Variants in TPST1 observed in about 807,000 individuals in gnomAD.
TPST1 encodes tyrosylprotein sulfotransferase 1, also known as protein-tyrosine sulfotransferase 1.
A neutral mutation model predicts 34.8 loss-of-function variants in TPST1; 20 were observed. The observed-to-expected ratio is 0.57, with a 90% CI of 0.40 to 0.84. The LOEUF (loss-of-function observed/expected upper bound fraction) is 0.84. Ranked by LOEUF, TPST1 falls within the 40% of genes least tolerant of loss-of-function variation. The probability of loss-of-function intolerance (pLI) is 0.00; values close to 1 mark genes in which losing one functional copy is unlikely to be tolerated. For synonymous variants in TPST1, 152 were observed against 159.4 expected (o/e 0.95, Z 0.35); for missense variants, 353 against 455.5 (o/e 0.78, Z 2.05).
rs201945487 is a variant in TPST1, at chr7:66,256,580, G to T, written c.845+15310G>T. The stretch of plus-strand genomic sequence containing the variant: ...ATATGGCTACTTAACATGGCAGCAG[G>T]CAAACAAGAAGAGCCAGAGAAAGTA... On this transcript the variant is annotated intron_variant, in intron 2 of 5. Transcript: ENST00000304842. Among the ~76,000 whole-genome samples, 65 of 152,304 alleles carry T rather than the reference G, an allele frequency of 4.3e-4. No homozygotes were observed. The East Asian group carries it at 9.2e-3, about 22-fold the overall frequency.
chr7:66,266,279 A>G (rs1378082207), intron 2 of TPST1, among the ~76,000 whole-genome samples: 1 of 142,442 alleles, frequency 7.0e-6, no homozygotes, highest in Non-Finnish European at 1.5e-5. Flanking sequence ...TAATTCTACT[A>G]AAAAAAAAAA....
At chr7:66,251,129 A>G (rs958128808) in intron 2 of TPST1, among the ~76,000 whole-genome samples, 1 of 152,238 alleles carries the variant, frequency 6.6e-6, no homozygotes, top group African/African-American at 2.4e-5. Flanking sequence ...ATTAAGGATG[A>G]TAATAATAAC....
At chr7:66,341,514 C>CA (rs1331214100) in intron 3 of TPST1, among the ~76,000 whole-genome samples, 4 of 152,130 alleles carry the variant, frequency 2.6e-5, no homozygotes, top group African/African-American at 7.2e-5. Flanking sequence ...CTCCTGACCT[C>CA]ATGATCCACC....
chr7:66,235,263 G>A (rs980661397), intron 1 of TPST1, among the ~76,000 whole-genome samples: 1 of 148,708 alleles, frequency 6.7e-6, no homozygotes, highest in African/African-American at 2.5e-5. Context: ...TCGGCTCGCT[G>A]CAAGCTCCGC....
chr7:66,322,901 C>T (rs1047974050), intron 3 of TPST1, among the ~76,000 whole-genome samples: 5 of 151,626 alleles, frequency 3.3e-5, no homozygotes, highest in African/African-American at 1.2e-4. Context: ...CACAGCTCAC[C>T]AACACTTGTT....
chr7:66,218,598 C>T lies in TPST1; in HGVS notation c.-102+13076C>T, dbSNP rs529465517. Among the ~76,000 whole-genome samples the T allele has an allele frequency of 1.3e-3, 201 of 152,278 alleles. 2 individuals carry two copies. The highest frequency in any genetic ancestry group is 4.7e-3 in the African/African-American group (195 of 41,580). On this transcript the variant is annotated intron_variant, in intron 1 of 5. Coordinates refer to ENST00000304842, the MANE Select transcript of TPST1 (RefSeq NM_003596.4). ...CGGTGGCTCACGCCTGTAATCCCAGCACTTTGGGAGGCTGAGGCGGGGAGA... is the reference window on the plus strand; with the variant it reads ...CGGTGGCTCACGCCTGTAATCCCAGTACTTTGGGAGGCTGAGGCGGGGAGA...
chr7:66,220,884 A>G (rs369206517), intron 1 of TPST1, among the ~76,000 whole-genome samples: 1 of 152,162 alleles, frequency 6.6e-6, no homozygotes, highest in African/African-American at 2.4e-5. Flanking sequence ...TGTAATCCCA[A>G]TGTTTTGGGA....
chr7:66,331,969 C>T (rs1329407687), intron 3 of TPST1, among the ~76,000 whole-genome samples: 2 of 152,080 alleles, frequency 1.3e-5, no homozygotes, highest in Middle Eastern at 3.2e-3. Context: ...CCGATCACCC[C>T]CAGATGAGAC....
chr7:66,304,625 T>C (rs1313865351), intron 3 of TPST1, among the ~76,000 whole-genome samples: 1 of 152,228 alleles, frequency 6.6e-6, no homozygotes, highest in Admixed American at 6.5e-5. Flanking sequence ...TAAAGCTAAA[T>C]GCTCTGCTTA....
chr7:66,347,474 A>T (rs1346028385), intron 3 of TPST1, among the ~76,000 whole-genome samples: 1 of 152,158 alleles, frequency 6.6e-6, no homozygotes, highest in East Asian at 1.9e-4. Flanking sequence ...TTTGTTGGTA[A>T]TGAGTTCTCT....
At position 66,355,462 on chromosome 7, in the gene TPST1, G is replaced by A. The variant is rs537968700; in HGVS notation, c.1096-1363G>A. 2.6e-3 allele frequency among the ~76,000 whole-genome samples: 390 copies of A among 149,986 alleles called. 1 individual carries two copies. Among genetic ancestry groups the A allele is most frequent in the Non-Finnish European group, 4.0e-3 (270 of 67,594 alleles). On this transcript the variant is annotated intron_variant, in intron 4 of 5. Coordinates refer to ENST00000304842, the MANE Select transcript of TPST1 (RefSeq NM_003596.4). Reference sequence around the variant, plus strand: ...TGCACTCCAGCCTGGGAAAGATTGCGAGACTCCCTCTCAAAAAAAAAAACA... The same window carrying A: ...TGCACTCCAGCCTGGGAAAGATTGCAAGACTCCCTCTCAAAAAAAAAAACA...
intron 4 of TPST1, among the ~76,000 whole-genome samples, 167 bp from the exon 5 acceptor site, chr7:66,356,658 C>A (rs1218446271): frequency 6.6e-6 from 1 of 152,172 alleles, no homozygotes; most frequent in African/African-American, 2.4e-5. Context: ...CTCCCAGGAA[C>A]CAGGGGGAAA....
chr7:66,234,994 C>A (rs912504277), intron 1 of TPST1, among the ~76,000 whole-genome samples: 1 of 151,994 alleles, frequency 6.6e-6, no homozygotes, highest in African/African-American at 2.4e-5. Context: ...TTTTTTGAAT[C>A]TGTAATATGG....
chr7:66,329,512 G>T (rs554058295), intron 3 of TPST1, among the ~76,000 whole-genome samples: 1 of 151,904 alleles, frequency 6.6e-6, no homozygotes, highest in Non-Finnish European at 1.5e-5. Flanking sequence ...CATTTTCCTC[G>T]ACAACTGATT....
At chr7:66,243,439 C>T (rs1264935552) in intron 2 of TPST1, among the ~76,000 whole-genome samples, 1 of 151,708 alleles carries the variant, frequency 6.6e-6, no homozygotes, top group Non-Finnish European at 1.5e-5. Flanking sequence ...CTAAACTAGA[C>T]CATATTTCCT....
In TPST1 at chr7:66,240,471, A is replaced by T; in HGVS notation, c.46A>T (p.Ile16Phe). ...GAACTTACTATTGGCATGTCTGGTG[A>T]TTAGTTCTGTGACTGTGTTTTACCT... Reference protein sequence around the residue: ...KQNLLLACLVISSVTVFYLGQ... With the variant: ...KQNLLLACLVFSSVTVFYLGQ... The change falls in exon 2 of 6, where the codon ATT becomes TTT. Residue 16 changes from isoleucine to phenylalanine, a missense_variant. Coordinates refer to ENST00000304842, the MANE Select transcript of TPST1 (RefSeq NM_003596.4). 6.2e-7 allele frequency: 1 copy of T among 1,614,176 alleles called. No individual in the cohort carries two copies. Among genetic ancestry groups the T allele is most frequent in the Non-Finnish European group, 8.5e-7 (1 of 1,180,044 alleles).
At chr7:66,359,238 A>AC in intron 5 of TPST1, 1 of 145,224 alleles carries the variant, frequency 6.9e-6, no homozygotes, top group East Asian at 2.0e-4. Flanking sequence ...CAGGGTCTTG[A>AC]CCCCTGGACA....
intron 2 of TPST1, among the ~76,000 whole-genome samples, chr7:66,242,223 T>C (rs1232336379): frequency 2.0e-5 from 3 of 152,098 alleles, no homozygotes; most frequent in Admixed American, 6.6e-5. Context: ...TTGTTTTTTT[T>C]CTTTTATCAA....
intron 1 of TPST1, among the ~76,000 whole-genome samples, chr7:66,208,485 T>C (rs567959373): frequency 6.6e-6 from 1 of 152,176 alleles, no homozygotes; most frequent in Middle Eastern, 3.2e-3. Context: ...AGTTTTTTTT[T>C]TGTGACACAG....
Sources: gnomAD v4.1 joint callset for allele counts (sites outside exome capture counted in the v4.1 genomes callset) on GRCh38, gnomAD v4.1.1 for gene constraint, MANE v1.5 for transcripts, NCBI Gene and HGNC (gene_info 2026-07-23, HGNC 2026-07-21) for gene names.